Variants in POLR3B observed in about 807,000 individuals in gnomAD.
The protein encoded by POLR3B is RNA polymerase III subunit B.
Under a neutral mutation model 147.4 loss-of-function variants are expected in POLR3B, and 96 were observed. That is an observed-to-expected ratio of 0.65 (90% confidence interval 0.55 to 0.77). POLR3B has a LOEUF of 0.77. Among genes scored for constraint, POLR3B ranks in the 30% least tolerant of loss-of-function variants. The probability of loss-of-function intolerance (pLI) is 0.00; values close to 1 mark genes in which losing one functional copy is unlikely to be tolerated. For missense variants in POLR3B, 1,036 were observed against 1,413.5 expected (o/e 0.73, Z 4.28); for synonymous variants, 461 against 485.9 (o/e 0.95, Z 0.67).
chr12:106,498,243 C>T (rs1565916507), intron 25 of POLR3B, among the ~76,000 whole-genome samples: 2 of 152,058 alleles, frequency 1.3e-5, no homozygotes, highest in African/African-American at 4.8e-5. Context: ...AGGGAAAGAG[C>T]TTGGTAAGTT....
intron 12 of POLR3B, among the ~76,000 whole-genome samples, chr12:106,414,505 C>G (rs2037275072): frequency 6.6e-6 from 1 of 152,100 alleles, no homozygotes; most frequent in Non-Finnish European, 1.5e-5. Context: ...TTATGAGTTT[C>G]AAGTTCACAT....
intron 23 of POLR3B, among the ~76,000 whole-genome samples, chr12:106,467,119 T>C (rs1592757579): frequency 6.6e-6 from 1 of 152,222 alleles, no homozygotes; most frequent in Non-Finnish European, 1.5e-5. Flanking sequence ...GTGTCCCCTC[T>C]TATTTCCTTG....
intron 10 of POLR3B, among the ~76,000 whole-genome samples, chr12:106,398,495 C>G (rs575166360): frequency 7.9e-4 from 121 of 152,318 alleles, no homozygotes; most frequent in Middle Eastern, 3.4e-3. Context: ...GTGGTTCTCC[C>G]AGCATGCAGC....
chr12:106,443,926 G>T (rs1593044698), intron 18 of POLR3B, among the ~76,000 whole-genome samples: 1 of 152,280 alleles, frequency 6.6e-6, no homozygotes, highest in Middle Eastern at 3.4e-3. Flanking sequence ...CCGGGTTCAA[G>T]CAATTCTCCT....
At chr12:106,389,628 G>C (rs1462821983) in intron 9 of POLR3B, among the ~76,000 whole-genome samples, 1 of 151,002 alleles carries the variant, frequency 6.6e-6, no homozygotes, top group African/African-American at 2.4e-5. Context: ...TTGGAATATT[G>C]GCATTGTCCT....
At chr12:106,367,583 A>C (rs1347577320) in intron 4 of POLR3B, among the ~76,000 whole-genome samples, 1 of 152,134 alleles carries the variant, frequency 6.6e-6, no homozygotes, top group Non-Finnish European at 1.5e-5. Context: ...CTTTAATTTG[A>C]GTTTGTATGA....
At chr12:106,401,581 G>A (rs964938128) in intron 10 of POLR3B, among the ~76,000 whole-genome samples, 37 of 152,062 alleles carry the variant, frequency 2.4e-4, no homozygotes, top group African/African-American at 6.0e-4. Context: ...CTGGCAAACC[G>A]AATCCAGCAG....
intron 12 of POLR3B, among the ~76,000 whole-genome samples, chr12:106,420,893 A>C (rs1486637344): frequency 1.3e-5 from 2 of 152,098 alleles, no homozygotes; most frequent in Non-Finnish European, 2.9e-5. Flanking sequence ...CCCCTACTCC[A>C]TTCTTCATTT....
chr12:106,397,166 AC>A (rs2136921256), intron 10 of POLR3B, among the ~76,000 whole-genome samples: 1 of 152,188 alleles, frequency 6.6e-6, no homozygotes, highest in African/African-American at 2.4e-5. Flanking sequence ...AATAATAAGA[AC>A]CACATATGCC....
intron 8 of POLR3B, among the ~76,000 whole-genome samples, chr12:106,378,960 G>A (rs1368201387): frequency 6.6e-6 from 1 of 152,146 alleles, no homozygotes. Context: ...AAAGATTTGT[G>A]GCATAGATAA....
chr12:106,386,918 G>A (rs1163407257), intron 9 of POLR3B, among the ~76,000 whole-genome samples: 1 of 149,910 alleles, frequency 6.7e-6, no homozygotes, highest in African/African-American at 2.5e-5. Context: ...AAAAAAAAAA[G>A]AAAAAAGTTT....
chr12:106,400,654 A>G (rs1196840521), intron 10 of POLR3B, among the ~76,000 whole-genome samples: 1 of 152,172 alleles, frequency 6.6e-6, no homozygotes, highest in Non-Finnish European at 1.5e-5. Context: ...TCAAACTAGA[A>G]CTCAGGATTA....
At chr12:106,379,993 G>A (rs1408433581) in intron 8 of POLR3B, 38 bp from the exon 9 acceptor site, 1 of 1,162,886 alleles carries the variant, frequency 8.6e-7, no homozygotes, top group East Asian at 2.3e-5. Context: ...TTGAAACTAA[G>A]TGGGGATGCA....
chr12:106,439,091 C>T (rs2037616422), intron 18 of POLR3B, among the ~76,000 whole-genome samples: 1 of 152,194 alleles, frequency 6.6e-6, no homozygotes, highest in South Asian at 2.1e-4. Context: ...AAGTACTTTT[C>T]TGACCCAGTG....
intron 23 of POLR3B, among the ~76,000 whole-genome samples, chr12:106,480,928 T>G (rs2038258665): frequency 6.6e-6 from 1 of 152,034 alleles, no homozygotes; most frequent in South Asian, 2.1e-4. Context: ...GGCGTGTGGT[T>G]AGTGATTCAA....
Position 106,378,303 on chromosome 12 carries a change from T to C in POLR3B, c.533T>C (p.Ile178Thr). ...ATTGTTAAAGGAGTAGAAAAAGTTATTCTTATCCAAGAGCAGCTGTCTAAG... is the reference window on the plus strand; with the variant it reads ...ATTGTTAAAGGAGTAGAAAAAGTTACTCTTATCCAAGAGCAGCTGTCTAAG... ...YFIVKGVEKVILIQEQLSKNR... is the reference protein window; with the variant it reads ...YFIVKGVEKVTLIQEQLSKNR... The change falls in exon 8 of 28, where the codon ATT becomes ACT. Residue 178 changes from isoleucine (I) to threonine (T), a missense_variant. Physicochemically the swap from Ile to Thr is moderately conservative, Grantham distance 89. Transcript: ENST00000228347. 1 of 1,613,826 alleles carries C rather than the reference T, an allele frequency of 6.2e-7. No individual in the cohort carries two copies. Among genetic ancestry groups the C allele is most frequent in the Non-Finnish European group, 8.5e-7 (1 of 1,179,706 alleles).
At chr12:106,509,034 A>G (rs192949982) in intron 27 of POLR3B, among the ~76,000 whole-genome samples, 2 of 152,350 alleles carry the variant, frequency 1.3e-5, no homozygotes, top group Admixed American at 1.3e-4. Context: ...GAATTGGTTT[A>G]AAACTCTTTA....
At position 106,423,276 on chromosome 12, in the gene POLR3B, C is replaced by T. The variant is rs2037395276; in HGVS notation, c.1102-3921C>T. On this transcript the variant is annotated intron_variant, in intron 12 of 27. Coordinates refer to ENST00000228347, the MANE Select transcript of POLR3B (RefSeq NM_018082.6). ...CAAATCATTTCATTATCTCAGATGT[C>T]AAATCACATTCTGTAAATACTTAAA... Among the ~76,000 whole-genome samples, 4 of 152,230 alleles carry T rather than the reference C, an allele frequency of 2.6e-5. No homozygotes were observed. The South Asian group carries it at 8.3e-4, about 32-fold the overall frequency.
At chr12:106,445,532 G>T (rs2037710651) in intron 19 of POLR3B, among the ~76,000 whole-genome samples, 1 of 152,076 alleles carries the variant, frequency 6.6e-6, no homozygotes, top group Non-Finnish European at 1.5e-5. Flanking sequence ...GGTGCCATAT[G>T]TTGAGGAGTT....
Sources: gnomAD v4.1 joint callset for allele counts (sites outside exome capture counted in the v4.1 genomes callset) on GRCh38, gnomAD v4.1.1 for gene constraint, MANE v1.5 for transcripts, NCBI Gene and HGNC (gene_info 2026-07-23, HGNC 2026-07-21) for gene names.